The following TPRG1 variants were observed in gnomAD, a reference collection of about 807,000 sequenced individuals.
TPRG1 encodes tumor protein p63-regulated gene 1 protein.
Under a neutral mutation model 29.3 loss-of-function variants are expected in TPRG1, and 29 were observed. The ratio of observed to expected loss-of-function variants is 0.99; its 90% CI spans 0.74 to 1.35. The LOEUF (loss-of-function observed/expected upper bound fraction) is 1.35. Among genes scored for constraint, TPRG1 ranks in the 40% most tolerant of loss-of-function variants. TPRG1 has a pLI of 0.00. For missense variants in TPRG1, 327 were observed against 335.0 expected, an observed-to-expected ratio of 0.98 and a Z score of 0.19; for synonymous variants, 130 against 116.8, an observed-to-expected ratio of 1.11 and a Z score of -0.73.
At chr3:189,037,011 A>G (rs1332814692) in intron 4 of TPRG1, among the ~76,000 whole-genome samples, 1 of 144,824 alleles carries the variant, frequency 6.9e-6, no homozygotes. Context: ...CGAGGCCCAA[A>G]TGATTTATAA....
Position 189,221,554 on chromosome 3 carries a change from C to T in TPRG1, c.302+6171C>T, listed in dbSNP as rs9833300. Reference sequence around the variant, plus strand: ...AAATGCTGTCTCTTGGATTTGGTGCCGTAAGTGGAAGTGTGAAGGGCATCT... The same window carrying T: ...AAATGCTGTCTCTTGGATTTGGTGCTGTAAGTGGAAGTGTGAAGGGCATCT... On this transcript the variant is annotated intron_variant, in intron 3 of 5. Coordinates refer to ENST00000345063, the MANE Select transcript of TPRG1 (RefSeq NM_198485.4). Among the ~76,000 whole-genome samples the T allele has an allele frequency of 3.9e-5, 6 of 152,018 alleles. No individual in the cohort carries two copies. In the South Asian group the frequency reaches 6.2e-4, roughly 16 times the overall value.
upstream of TPRG1, among the ~76,000 whole-genome samples, chr3:189,168,739 T>G (rs1254499547): frequency 6.6e-6 from 1 of 152,220 alleles, no homozygotes; most frequent in Non-Finnish European, 1.5e-5. Context: ...ATTGAACTCC[T>G]CTTTCCCAAA....
chr3:189,026,179 T>C (rs1008487743), intron 4 of TPRG1, among the ~76,000 whole-genome samples: 1 of 152,218 alleles, frequency 6.6e-6, no homozygotes, highest in Non-Finnish European at 1.5e-5. Context: ...GGTTGGTTTC[T>C]GATGGGGCCT....
chr3:189,185,685 A>G (rs1463582430), intron 1 of TPRG1, among the ~76,000 whole-genome samples: 6 of 152,202 alleles, frequency 3.9e-5, no homozygotes, highest in Non-Finnish European at 2.9e-5. Flanking sequence ...AATATTCGCA[A>G]CATTTTGCAG....
intron 4 of TPRG1, among the ~76,000 whole-genome samples, chr3:189,266,965 G>A (rs541984970): frequency 4.7e-4 from 72 of 152,002 alleles, no homozygotes; most frequent in African/African-American, 1.6e-3. Flanking sequence ...TTTTAATTTG[G>A]TGATTCAACA....
At chr3:188,997,623 C>T (rs147705337) in intron 1 of TPRG1, among the ~76,000 whole-genome samples, 3 of 152,098 alleles carry the variant, frequency 2.0e-5, no homozygotes, top group East Asian at 3.9e-4. Context: ...TGGTCACCCT[C>T]GATCTGACTC....
intron 2 of TPRG1, among the ~76,000 whole-genome samples, chr3:189,003,691 T>G (rs1712143386): frequency 6.6e-6 from 1 of 152,148 alleles, no homozygotes; most frequent in Non-Finnish European, 1.5e-5. Context: ...CCTAGATGGG[T>G]TGGCATTACA....
intron 4 of TPRG1, among the ~76,000 whole-genome samples, chr3:189,280,167 GGACT>G (rs1716867879): frequency 1.3e-5 from 2 of 152,192 alleles, no homozygotes; most frequent in South Asian, 4.1e-4. Flanking sequence ...GTAAACAACA[GGACT>G]AGCACCATAG....
chr3:189,206,052 TG>T (rs1254093948), intron 1 of TPRG1, among the ~76,000 whole-genome samples: 23 of 46,736 alleles, frequency 4.9e-4, no homozygotes, highest in African/African-American at 8.9e-4. Flanking sequence ...TCCTTTCTTC[TG>T]TCTTTCTTTC....
chr3:189,275,915 G>C (rs1257285740), intron 4 of TPRG1, among the ~76,000 whole-genome samples: 1 of 152,126 alleles, frequency 6.6e-6, no homozygotes, highest in East Asian at 1.9e-4. Context: ...GTCTTCAGTG[G>C]GGAAGAGAGG....
intron 4 of TPRG1, among the ~76,000 whole-genome samples, chr3:189,285,375 A>ACTG (rs2109163543): frequency 6.6e-6 from 1 of 152,242 alleles, no homozygotes; most frequent in South Asian, 2.1e-4. Flanking sequence ...CCTCAGTGAC[A>ACTG]CTGCACCTGT....
At chr3:189,112,298 C>T (rs1279638056) in intron 1 of TPRG1, among the ~76,000 whole-genome samples, 1 of 152,056 alleles carries the variant, frequency 6.6e-6, no homozygotes, top group Non-Finnish European at 1.5e-5. Flanking sequence ...GAGGTAATGC[C>T]AGCCTCATAA....
chr3:189,130,553 A>C (rs1390266747), intron 2 of TPRG1, among the ~76,000 whole-genome samples: 2 of 152,244 alleles, frequency 1.3e-5, no homozygotes, highest in African/African-American at 2.4e-5. Flanking sequence ...AAAACTGAAC[A>C]ACAGCATGAA....
At chr3:189,087,277 C>T (rs1427901503) in intron 4 of TPRG1, among the ~76,000 whole-genome samples, 1 of 152,068 alleles carries the variant, frequency 6.6e-6, no homozygotes, top group Non-Finnish European at 1.5e-5. Context: ...GCATTTTTTC[C>T]TGTGTCTGTT....
intron 2 of TPRG1, chr3:189,127,314 T>G (rs1722600039): frequency 6.6e-6 from 1 of 152,228 alleles, no homozygotes; most frequent in African/African-American, 2.4e-5. Flanking sequence ...ACAAAACCAT[T>G]ACTTAGGTGT....
chr3:189,301,041 T>G (rs926095847), intron 4 of TPRG1, among the ~76,000 whole-genome samples: 2 of 152,132 alleles, frequency 1.3e-5, no homozygotes, highest in Non-Finnish European at 2.9e-5. Context: ...CTCATGCCTG[T>G]AATCCCAGCA....
intron 4 of TPRG1, among the ~76,000 whole-genome samples, chr3:189,288,118 G>A (rs1193109494): frequency 1.3e-5 from 2 of 152,038 alleles, no homozygotes; most frequent in African/African-American, 4.8e-5. Flanking sequence ...ATGGTTGTGT[G>A]TGTGTGGTTG....
At chr3:189,043,590 G>A (rs533092791) in intron 4 of TPRG1, among the ~76,000 whole-genome samples, 2 of 152,180 alleles carry the variant, frequency 1.3e-5, no homozygotes, top group South Asian at 2.1e-4. Flanking sequence ...AAAGCCAATC[G>A]TCTGCTTAAC....
At position 189,298,487 on chromosome 3, in the gene TPRG1, T is replaced by C. The variant is rs1720310093; in HGVS notation, c.480-11899T>C. 3.3e-5 allele frequency among the ~76,000 whole-genome samples: 5 copies of C among 152,198 alleles called. No homozygotes were observed. The South Asian group carries it at 1.0e-3, about 32-fold the overall frequency. The stretch of plus-strand genomic sequence containing the variant: ...TGACTTCTCCAAGGTCACACAGTAA[T>C]GCTGGTGCTGAGATTTGAACTCAGA... On this transcript the variant is annotated intron_variant, in intron 4 of 5. Coordinates refer to ENST00000345063, the MANE Select transcript of TPRG1 (RefSeq NM_198485.4).
Sources: allele counts gnomAD v4.1 joint callset (sites outside exome capture counted in the v4.1 genomes callset), GRCh38; gene constraint gnomAD v4.1.1; transcripts MANE v1.5; gene names NCBI Gene and HGNC (gene_info 2026-07-23, HGNC 2026-07-21).